IQSEC1: variants seen among roughly 807,000 people sequenced by gnomAD.
The protein encoded by IQSEC1 is IQ motif and SEC7 domain-containing protein 1.
IQSEC1 carries 31 observed loss-of-function variants against 91.0 expected under a neutral mutation model. That is an observed-to-expected ratio of 0.34 (90% CI 0.26 to 0.46). IQSEC1 has a LOEUF of 0.46. Among genes scored for constraint, IQSEC1 ranks in the 20% least tolerant of loss-of-function variants. The probability of loss-of-function intolerance (pLI) is 1.00; values close to 1 mark genes in which losing one functional copy is unlikely to be tolerated. For missense variants in IQSEC1, 1,388 were observed against 1,575.6 expected (o/e 0.88, Z 2.02); for synonymous variants, 699 against 662.6 (o/e 1.05, Z -0.84).
intron 12 of IQSEC1, among the ~76,000 whole-genome samples, chr3:12,906,079 C>T (rs1694947994): frequency 6.6e-6 from 1 of 152,196 alleles, no homozygotes; most frequent in Non-Finnish European, 1.5e-5. Flanking sequence ...GGATGGGTTC[C>T]TTCAGGCACC....
chr3:13,191,213 C>T (rs1434508706), intron 1 of IQSEC1, among the ~76,000 whole-genome samples: 2 of 152,230 alleles, frequency 1.3e-5, no homozygotes, highest in Admixed American at 6.5e-5. Flanking sequence ...CCTGGTGCTC[C>T]CTGGCACCAC....
intron 3 of IQSEC1, among the ~76,000 whole-genome samples, chr3:12,932,064 A>C (rs1323029974): frequency 6.6e-6 from 1 of 152,226 alleles, no homozygotes. Flanking sequence ...CACCTGTGAC[A>C]TGGTCACCTG....
chr3:13,170,838 G>A (rs978123770), intron 1 of IQSEC1, among the ~76,000 whole-genome samples: 1 of 152,180 alleles, frequency 6.6e-6, no homozygotes, highest in Non-Finnish European at 1.5e-5. Context: ...GGTGGCTCAC[G>A]CCTGTAATCC....
At chr3:13,252,418 C>A (rs181881471) in intron 1 of IQSEC1, among the ~76,000 whole-genome samples, 1 of 152,218 alleles carries the variant, frequency 6.6e-6, no homozygotes, top group Non-Finnish European at 1.5e-5. Context: ...TGTGCATAGA[C>A]CACAGTTTGT....
rs1397872653 is a variant in IQSEC1 at position 13,211,554 on chromosome 3, C to T, written c.273-47421G>A. ...TTCAGCCACCTCCCTGGACGCCCTT[C>T]CCCTAGTAGGAGCCCACAGGGCCAG... On this transcript the variant is annotated intron_variant, in intron 1 of 15. Coordinates refer to the IQSEC1 transcript ENST00000648114. The surrounding 1 kb of genome is among the most constrained non-coding windows in gnomAD (Gnocchi z 5.3). Among the ~76,000 whole-genome samples the T allele has an allele frequency of 2.6e-5, 4 of 152,166 alleles. No individual in the cohort carries two copies. The highest frequency in any genetic ancestry group is 6.5e-5 in the Admixed American group (1 of 15,286).
At chr3:13,120,656 A>G (rs1706408799) in intron 2 of IQSEC1, among the ~76,000 whole-genome samples, 1 of 152,216 alleles carries the variant, frequency 6.6e-6, no homozygotes, top group Non-Finnish European at 1.5e-5. Flanking sequence ...CAATGAGCAA[A>G]GTGATCTGGT....
intron 1 of IQSEC1, among the ~76,000 whole-genome samples, chr3:13,266,239 T>C (rs1695487917): frequency 6.6e-6 from 1 of 152,250 alleles, no homozygotes; most frequent in African/African-American, 2.4e-5. Context: ...TTAGTCAAAC[T>C]GCACTTGGCA....
intron 1 of IQSEC1, among the ~76,000 whole-genome samples, chr3:13,265,274 A>G (rs1000432797): frequency 6.6e-6 from 1 of 151,684 alleles, no homozygotes; most frequent in African/African-American, 2.4e-5. Context: ...CCCTAGGATC[A>G]GGGCCCAGCC....
At chr3:13,062,657 A>G (rs1576227276) in intron 1 of IQSEC1, among the ~76,000 whole-genome samples, 1 of 152,128 alleles carries the variant, frequency 6.6e-6, no homozygotes, top group African/African-American at 2.4e-5. Context: ...ACACCCGAAC[A>G]AGGAAGGGGG....
intron 1 of IQSEC1, among the ~76,000 whole-genome samples, chr3:12,990,745 G>A (rs559475821): frequency 1.3e-5 from 2 of 152,304 alleles, no homozygotes; most frequent in South Asian, 2.1e-4. Flanking sequence ...GACAATCAAT[G>A]GTGCAGCATC....
intron 1 of IQSEC1, among the ~76,000 whole-genome samples, chr3:12,966,667 G>T (rs1009078875): frequency 8.5e-5 from 13 of 152,176 alleles, no homozygotes; most frequent in Middle Eastern, 3.4e-3. Context: ...ACCACACCAG[G>T]TGCACACGCA....
At chr3:12,944,539 G>A (rs570727488) in intron 1 of IQSEC1, among the ~76,000 whole-genome samples, 12 of 152,194 alleles carry the variant, frequency 7.9e-5, no homozygotes, top group Admixed American at 4.6e-4. Context: ...CTCTGCTCCA[G>A]GCCTGTGCAC....
chr3:13,090,295 T>G (rs1019260493), intron 2 of IQSEC1, among the ~76,000 whole-genome samples: 6 of 152,182 alleles, frequency 3.9e-5, no homozygotes, highest in African/African-American at 1.4e-4. Context: ...GTTTCCCTAC[T>G]GTTAGCACGC....
At chr3:13,205,224 C>T (rs572626567) in intron 1 of IQSEC1, among the ~76,000 whole-genome samples, 2 of 152,158 alleles carry the variant, frequency 1.3e-5, no homozygotes, top group South Asian at 2.1e-4. Flanking sequence ...AGCAGCAAGC[C>T]GACGTGTTCA....
intron 1 of IQSEC1, among the ~76,000 whole-genome samples, chr3:13,169,492 G>A (rs1425653745): frequency 1.3e-5 from 2 of 152,216 alleles, no homozygotes; most frequent in African/African-American, 2.4e-5. Context: ...AGCGACTTTG[G>A]AACCAGGTAA....
intron 1 of IQSEC1, among the ~76,000 whole-genome samples, chr3:12,990,911 T>C (rs1701957644): frequency 6.6e-6 from 1 of 152,120 alleles, no homozygotes; most frequent in Admixed American, 6.5e-5. Flanking sequence ...AGTAGATGCT[T>C]AGAAAAAAAT....
intron 1 of IQSEC1, among the ~76,000 whole-genome samples, chr3:12,985,112 C>A (rs360744): frequency 1.3e-5 from 2 of 152,044 alleles, no homozygotes; most frequent in Non-Finnish European, 2.9e-5. Flanking sequence ...GCGTGAGCCA[C>A]CGCGCCCAGC....
chr3:13,063,567 T>TGGGCTG (rs1286594803), intron 1 of IQSEC1, among the ~76,000 whole-genome samples: 1 of 152,188 alleles, frequency 6.6e-6, no homozygotes, highest in African/African-American at 2.4e-5. Flanking sequence ...AGAAGAGGCC[T>TGGGCTG]GGGCTGGGGC....
intron 1 of IQSEC1, among the ~76,000 whole-genome samples, chr3:13,216,746 A>C (rs1276003008): frequency 6.6e-6 from 1 of 152,254 alleles, no homozygotes; most frequent in Non-Finnish European, 1.5e-5. Flanking sequence ...GGGTCCAGAC[A>C]GACAGATGGA....
Sources: gnomAD v4.1 joint callset for allele counts (sites outside exome capture counted in the v4.1 genomes callset) on GRCh38, gnomAD v4.1.1 for gene constraint, Gnocchi (gnomAD v3.1) non-coding constraint, MANE v1.5 for transcripts, NCBI Gene and HGNC (gene_info 2026-07-23, HGNC 2026-07-21) for gene names.